The following SLC44A5 variants were observed in gnomAD, a reference collection of about 807,000 sequenced individuals.
The protein encoded by SLC44A5 is choline transporter-like protein 5.
A neutral mutation model predicts 101.8 loss-of-function variants in SLC44A5; 57 were observed. The ratio of observed to expected loss-of-function variants is 0.56; its 90% CI spans 0.45 to 0.70. The LOEUF (loss-of-function observed/expected upper bound fraction) is 0.70, where lower values mean the gene tolerates loss of function less well. Among genes scored for constraint, SLC44A5 ranks in the 30% least tolerant of loss-of-function variants. The pLI, the probability that SLC44A5 is intolerant of heterozygous loss-of-function variation, is 0.00. For missense variants in SLC44A5, 737 were observed against 853.1 expected, an observed-to-expected ratio of 0.86 and a Z score of 1.70; for synonymous variants, 281 against 290.9, an observed-to-expected ratio of 0.97 and a Z score of 0.35.
chr1:75,505,442 C>T (rs1669198543), intron 2 of SLC44A5, among the ~76,000 whole-genome samples: 1 of 152,166 alleles, frequency 6.6e-6, no homozygotes, highest in Non-Finnish European at 1.5e-5. Flanking sequence ...CTGCTTTCCA[C>T]AGTGGCTGAA....
chr1:75,697,275 T>G, the SLC44A5 span, among the ~76,000 whole-genome samples: 1 of 152,188 alleles, frequency 6.6e-6, no homozygotes, highest in African/African-American at 2.4e-5. Flanking sequence ...GTTAAGAGAC[T>G]TAACATTTGT....
At chr1:75,480,008 A>G (rs1370422630) in intron 2 of SLC44A5, among the ~76,000 whole-genome samples, 1 of 152,214 alleles carries the variant, frequency 6.6e-6, no homozygotes, top group Non-Finnish European at 1.5e-5. Context: ...CCTCAATAAA[A>G]TACTGGCAAA....
rs185028881 is a variant in SLC44A5, at chr1:75,257,603, T to C, written c.261-6309A>G. ...ACATTCCCAACACAAACTCCTGCAA[T>C]TCTAGCCATGGGTGAGCCCCTTGAC... is the stretch of plus-strand genomic sequence containing the variant. On this transcript the variant is annotated intron_variant, in intron 6 of 23. Coordinates refer to ENST00000370859, the MANE Select transcript of SLC44A5 (RefSeq NM_001130058.2). 2.8e-3 allele frequency among the ~76,000 whole-genome samples: 433 copies of C among 152,148 alleles called. 2 individuals are homozygous for C. The highest frequency in any genetic ancestry group is 3.6e-3 in the Non-Finnish European group (243 of 68,004).
In SLC44A5 at chr1:75,568,854, A is replaced by C. The variant is rs79897988; in HGVS notation, c.-69-27338T>G. 2.1e-3 allele frequency among the ~76,000 whole-genome samples: 322 copies of C among 152,330 alleles called. 1 individual carries two copies. The highest frequency in any genetic ancestry group is 7.4e-3 in the African/African-American group (306 of 41,578). On this transcript the variant is annotated intron_variant, in intron 1 of 23. Transcript: ENST00000370859. The stretch of plus-strand genomic sequence containing the variant: ...TCTAATGGCTCCCATTTGCTTCCAC[A>C]TCAAATCCAAATTCCTGATTATATG...
chr1:75,218,608 C>G lies in SLC44A5; in HGVS notation c.1411G>C (p.Val471Leu). Reference protein sequence around the residue: ...LFVFLWLINFVIALGQCALAG... With the variant: ...LFVFLWLINFLIALGQCALAG... Reference sequence around the variant, plus strand: ...AGGGCGCACTGACCTAATGCAATGACGAAGTTTATAAGCCAGAGAAAGACA... The same window carrying G: ...AGGGCGCACTGACCTAATGCAATGAGGAAGTTTATAAGCCAGAGAAAGACA... The change falls in exon 17 of 24, where the codon GTC (valine) becomes CTC (leucine). Residue 471 changes from valine to leucine, a missense_variant. This residue lies in a region of SLC44A5 where 665 missense variants were observed against 764.4 expected (regional missense o/e 0.87). Transcript: ENST00000370859. 6.2e-7 allele frequency: 1 copy of G among 1,613,754 alleles called. No homozygotes were observed. Among genetic ancestry groups the G allele is most frequent in the Non-Finnish European group, 8.5e-7 (1 of 1,179,792 alleles).
intron 2 of SLC44A5, among the ~76,000 whole-genome samples, chr1:75,410,152 A>C (rs1663182015): frequency 6.6e-6 from 1 of 152,100 alleles, no homozygotes; most frequent in African/African-American, 2.4e-5. Context: ...TTCAGAGTGA[A>C]ATTGCCCATA....
the SLC44A5 span, among the ~76,000 whole-genome samples, chr1:75,683,759 CAAAT>C: frequency 6.3e-5 from 4 of 63,218 alleles, no homozygotes; most frequent in Non-Finnish European, 1.3e-4. Context: ...AGTATAATAA[CAAAT>C]AAATAAATAA....
At chr1:75,341,409 G>A (rs1262391925) in intron 3 of SLC44A5, among the ~76,000 whole-genome samples, 1 of 152,140 alleles carries the variant, frequency 6.6e-6, no homozygotes, top group Non-Finnish European at 1.5e-5. Context: ...TTGAACCCAG[G>A]AGGCGGACGT....
the SLC44A5 span, among the ~76,000 whole-genome samples, chr1:75,681,844 C>G: frequency 2.6e-5 from 4 of 152,106 alleles, no homozygotes; most frequent in South Asian, 8.3e-4. Context: ...GACATGATTG[C>G]ATATCTAGAA....
At chr1:75,411,417 C>T (rs1443846) in intron 2 of SLC44A5, among the ~76,000 whole-genome samples, 36,631 of 151,906 alleles carry the variant, frequency 0.24, 4,606 homozygotes, top group African/African-American at 0.29. Flanking sequence ...TGCATAATTA[C>T]GTTTCCCCCT....
chr1:75,243,619 G>A (rs1648852791), intron 7 of SLC44A5, among the ~76,000 whole-genome samples: 1 of 152,038 alleles, frequency 6.6e-6, no homozygotes, highest in Non-Finnish European at 1.5e-5. Context: ...GAATAATAGG[G>A]ATTTCACATA....
At chr1:75,702,438 G>C in the SLC44A5 span, among the ~76,000 whole-genome samples, 111 of 152,180 alleles carry the variant, frequency 7.3e-4, 2 homozygotes, top group East Asian at 0.016. Context: ...AATGGTGCTG[G>C]GAAAACTGGC....
At chr1:75,280,434 T>TAA (rs1491308490) in intron 5 of SLC44A5, among the ~76,000 whole-genome samples, 62 of 31,966 alleles carry the variant, frequency 1.9e-3, no homozygotes, top group African/African-American at 4.1e-3. Context: ...ATTGTATATA[T>TAA]TATATATAGT....
At chr1:75,635,169 G>T in the SLC44A5 span, among the ~76,000 whole-genome samples, 1 of 151,554 alleles carries the variant, frequency 6.6e-6, no homozygotes, top group Non-Finnish European at 1.5e-5. Flanking sequence ...ACAGGTGCTG[G>T]AGAGGATGTG....
intron 2 of SLC44A5, among the ~76,000 whole-genome samples, chr1:75,468,537 G>C (rs2101720906): frequency 6.6e-6 from 1 of 152,232 alleles, no homozygotes; most frequent in Admixed American, 6.5e-5. Context: ...TGAAATTGGA[G>C]GTCATTATGC....
At chr1:75,483,520 G>A (rs191382224) in intron 2 of SLC44A5, among the ~76,000 whole-genome samples, 12 of 152,198 alleles carry the variant, frequency 7.9e-5, no homozygotes, top group East Asian at 3.9e-4. Context: ...TGAGACCCTC[G>A]AATAAAAGAG....
chr1:75,431,538 TA>T (rs1162704045), intron 2 of SLC44A5, among the ~76,000 whole-genome samples: 1 of 152,200 alleles, frequency 6.6e-6, no homozygotes, highest in African/African-American at 2.4e-5. Context: ...CTTATTTATT[TA>T]ACAGACTCAT....
intron 15 of SLC44A5, 82 bp downstream of exon 15, chr1:75,219,718 T>C (rs600734): frequency 0.42 from 368,308 of 867,464 alleles, 81,850 homozygotes; most frequent in African/African-American, 0.6. Flanking sequence ...TTCCCAGGGA[T>C]AGAAAACACT....
chr1:75,358,543 T>A (rs1659247970), intron 3 of SLC44A5, among the ~76,000 whole-genome samples: 1 of 152,172 alleles, frequency 6.6e-6, no homozygotes, highest in Non-Finnish European at 1.5e-5. Flanking sequence ...ACTAATTAAA[T>A]CTAGCATCTC....
Sources: gnomAD v4.1 joint callset for allele counts (sites outside exome capture counted in the v4.1 genomes callset) on GRCh38, gnomAD v4.1.1 for gene constraint, gnomAD v4.1.1 regional missense constraint, MANE v1.5 for transcripts, NCBI Gene and HGNC (gene_info 2026-07-23, HGNC 2026-07-21) for gene names.